The following FGF14 variants were observed in gnomAD, a reference collection of about 807,000 sequenced individuals.
FGF14 encodes fibroblast growth factor homologous factor 4.
FGF14 carries 5 observed loss-of-function variants against 25.5 expected under a neutral mutation model. That is an observed-to-expected ratio of 0.20 (90% CI 0.10 to 0.41). FGF14 has a LOEUF of 0.41. Ranked by LOEUF, FGF14 falls within the 10% of genes least tolerant of loss-of-function variation. The pLI is 1.00. For synonymous variants in FGF14, 138 were observed against 118.3 expected, an observed-to-expected ratio of 1.17 and a Z score of -1.08; for missense variants, 222 against 320.1, an observed-to-expected ratio of 0.69 and a Z score of 2.34.
At chr13:102,026,003 G>A (rs552332614) in intron 1 of FGF14, among the ~76,000 whole-genome samples, 1 of 152,120 alleles carries the variant, frequency 6.6e-6, no homozygotes, top group Non-Finnish European at 1.5e-5. Context: ...GAAGTGGCAA[G>A]AGCAGACATT....
At chr13:101,747,681 G>A (rs1010589246) in intron 3 of FGF14, among the ~76,000 whole-genome samples, 1 of 151,820 alleles carries the variant, frequency 6.6e-6, no homozygotes, top group Non-Finnish European at 1.5e-5. Flanking sequence ...TGGCTACAGA[G>A]GGAACAAACC....
At chr13:101,876,581 A>C (rs2045405957) in intron 1 of FGF14, among the ~76,000 whole-genome samples, 1 of 152,194 alleles carries the variant, frequency 6.6e-6, no homozygotes, top group South Asian at 2.1e-4. Flanking sequence ...CTTGCTTCAT[A>C]GATGGTATAA....
intron 1 of FGF14, among the ~76,000 whole-genome samples, chr13:102,121,749 G>C (rs970483019): frequency 2.0e-5 from 3 of 152,182 alleles, no homozygotes; most frequent in African/African-American, 7.2e-5. Context: ...GAATGTCAGG[G>C]AACAGCTTCT....
rs542804713 is a variant in FGF14 at position 102,235,454 on chromosome 13, T to C, written c.208+166017A>G. The stretch of plus-strand genomic sequence containing the variant: ...ATAAGTGCCCTGGTCACCTGGGAAC[T>C]TGTTTGAGGTAGAAAACCCCAGGCA... On this transcript the variant is annotated intron_variant, in intron 1 of 4. Transcript: ENST00000376131. Among the ~76,000 whole-genome samples, 6 of 152,310 alleles carry C rather than the reference T, an allele frequency of 3.9e-5. No individual in the cohort carries two copies. The South Asian group carries it at 6.2e-4, about 16-fold the overall frequency.
chr13:102,330,997 GCTT>G (rs2056618240), intron 1 of FGF14, among the ~76,000 whole-genome samples: 1 of 152,210 alleles, frequency 6.6e-6, no homozygotes, highest in Non-Finnish European at 1.5e-5. Flanking sequence ...TAACACCAGA[GCTT>G]TGGAATCAGA....
intron 3 of FGF14, among the ~76,000 whole-genome samples, chr13:101,866,035 C>A (rs1268260528): frequency 1.3e-5 from 2 of 151,884 alleles, no homozygotes; most frequent in African/African-American, 4.8e-5. Context: ...CAACGTTTGT[C>A]ATGGCTTTTA....
intron 1 of FGF14, among the ~76,000 whole-genome samples, chr13:102,030,943 T>C (rs1220651013): frequency 1.3e-5 from 2 of 152,134 alleles, no homozygotes; most frequent in East Asian, 1.9e-4. Flanking sequence ...CCATGTTACA[T>C]AGAAATGCAC....
At chr13:102,189,318 G>T (rs1050522484) in intron 1 of FGF14, among the ~76,000 whole-genome samples, 2 of 152,214 alleles carry the variant, frequency 1.3e-5, no homozygotes, top group African/African-American at 4.8e-5. Flanking sequence ...TTTGAACAGA[G>T]CAGTGATAAA....
rs558864427 is a variant in FGF14 at position 101,778,406 on chromosome 13, T to C, written c.409-51596A>G. Among the ~76,000 whole-genome samples the C allele has an allele frequency of 4.6e-5, 7 of 152,302 alleles. No homozygotes were observed. In the South Asian group the frequency reaches 6.2e-4, roughly 14 times the overall value. On this transcript the variant is annotated intron_variant, in intron 3 of 4. Transcript: ENST00000376143. ...TCTCCTTGTGTAAGTAGCTCACCTA[T>C]TGAAGCAAGCCTAAACCTCCATCGC...
At chr13:101,748,794 C>T (rs2037071716) in intron 3 of FGF14, among the ~76,000 whole-genome samples, 2 of 142,120 alleles carry the variant, frequency 1.4e-5, no homozygotes, top group South Asian at 4.6e-4. Flanking sequence ...CTATATAATC[C>T]AGCAACTTCA....
chr13:101,880,582 C>T (rs562491672), intron 1 of FGF14, among the ~76,000 whole-genome samples: 1 of 152,146 alleles, frequency 6.6e-6, no homozygotes, highest in African/African-American at 2.4e-5. Flanking sequence ...AAACTAACAA[C>T]AACAAAAATA....
chr13:102,076,941 C>T (rs2043391471), intron 1 of FGF14, among the ~76,000 whole-genome samples: 1 of 151,978 alleles, frequency 6.6e-6, no homozygotes, highest in Non-Finnish European at 1.5e-5. Context: ...CAGACACATA[C>T]ATCAATGGAA....
At chr13:102,134,675 A>C (rs1192934882) in intron 1 of FGF14, among the ~76,000 whole-genome samples, 3 of 152,210 alleles carry the variant, frequency 2.0e-5, no homozygotes, top group Non-Finnish European at 4.4e-5. Flanking sequence ...AAACTCAACA[A>C]TATAATGACC....
intron 1 of FGF14, among the ~76,000 whole-genome samples, chr13:102,185,145 G>A (rs904546534): frequency 1.3e-5 from 2 of 152,178 alleles, no homozygotes; most frequent in African/African-American, 4.8e-5. Flanking sequence ...CACATTTCCT[G>A]ATTCTTCATA....
At chr13:101,841,154 A>G (rs2043173301) in intron 3 of FGF14, among the ~76,000 whole-genome samples, 1 of 151,998 alleles carries the variant, frequency 6.6e-6, no homozygotes, top group African/African-American at 2.4e-5. Flanking sequence ...GATTTAAAAA[A>G]AACTTAAGTG....
chr13:102,161,570 A>AAGAAGAAGAAGAAGAAGAAGAAGAAGAAG, intron 1 of FGF14, among the ~76,000 whole-genome samples: 1 of 5,650 alleles, frequency 1.8e-4, no homozygotes, highest in Non-Finnish European at 2.4e-4. Context: ...TTCTGTGAAG[A>AAGAAGAAGAAGAAGAAGAAGAAGAAGAAG]AAGAAAGAAG....
At chr13:102,129,700 G>C (rs976718847) in intron 1 of FGF14, among the ~76,000 whole-genome samples, 1 of 152,036 alleles carries the variant, frequency 6.6e-6, no homozygotes, top group Non-Finnish European at 1.5e-5. Flanking sequence ...GATGGGGGTA[G>C]GGGGGAGGGA....
At chr13:101,924,469 C>T (rs866086753) in intron 1 of FGF14, among the ~76,000 whole-genome samples, 3 of 152,128 alleles carry the variant, frequency 2.0e-5, no homozygotes, top group Non-Finnish European at 2.9e-5. Flanking sequence ...CATTTTCAAA[C>T]TCCCAGTTCA....
At chr13:101,995,964 T>C (rs2039158853) in intron 1 of FGF14, among the ~76,000 whole-genome samples, 1 of 152,134 alleles carries the variant, frequency 6.6e-6, no homozygotes, top group African/African-American at 2.4e-5. Flanking sequence ...ATATAGTCAA[T>C]AATAACTTAA....
Sources: allele counts gnomAD v4.1 joint callset (sites outside exome capture counted in the v4.1 genomes callset), GRCh38; gene constraint gnomAD v4.1.1; transcripts MANE v1.5; gene names NCBI Gene and HGNC (gene_info 2026-07-23, HGNC 2026-07-21).